Variants in CNKSR2 observed in about 807,000 individuals in gnomAD.
CNKSR2 encodes CNK homolog protein 2.
A neutral mutation model predicts 84.4 loss-of-function variants in CNKSR2; 14 were observed. The ratio of observed to expected loss-of-function variants is 0.17; its 90% CI spans 0.11 to 0.26. The LOEUF (loss-of-function observed/expected upper bound fraction) is 0.26, where lower values mean the gene tolerates loss of function less well. Ranked by LOEUF, CNKSR2 falls within the 10% of genes least tolerant of loss-of-function variation. The pLI, the probability that CNKSR2 is intolerant of heterozygous loss-of-function variation, is 1.00. For missense variants in CNKSR2, 485 were observed against 771.2 expected, an observed-to-expected ratio of 0.63 and a Z score of 4.40; for synonymous variants, 275 against 277.9, an observed-to-expected ratio of 0.99 and a Z score of 0.10.
chrX:21,447,415 A>G (rs1255722076), intron 4 of CNKSR2, among the ~76,000 whole-genome samples: 1 of 111,432 alleles, frequency 9.0e-6, no homozygotes, highest in African/African-American at 3.3e-5. Flanking sequence ...TACTATCTGA[A>G]TTACTGTATT....
In CNKSR2 at chrX:21,457,086, G is replaced by A. The variant is rs775472401; in HGVS notation, c.520-13680G>A. Among the ~76,000 whole-genome samples the A allele has an allele frequency of 3.0e-3, 332 of 111,276 alleles. 1 individual carries two copies. Among genetic ancestry groups the A allele is most frequent in the African/African-American group, 9.9e-3 (305 of 30,711 alleles). ...TATTTGTTTCTATTTTTGCTGTTGA[G>A]TTGTGTGGGTTCCTTACATATTTTG... On this transcript the variant is annotated intron_variant, in intron 4 of 21. Coordinates refer to ENST00000379510, the MANE Select transcript of CNKSR2 (RefSeq NM_014927.5).
At chrX:21,535,148 A>G (rs901294518) in intron 11 of CNKSR2, among the ~76,000 whole-genome samples, 2 of 111,124 alleles carry the variant, frequency 1.8e-5, no homozygotes, top group South Asian at 7.5e-4. Flanking sequence ...CCTTTGCCCA[A>G]TGTATGTTCT....
chrX:21,412,321 C>T (rs963517408), intron 1 of CNKSR2, among the ~76,000 whole-genome samples: 8 of 112,148 alleles, frequency 7.1e-5, no homozygotes, highest in African/African-American at 2.6e-4. Context: ...GATAGTTTCT[C>T]CTGGCACCTT....
chrX:21,601,847 GT>G (rs770411865), intron 18 of CNKSR2, among the ~76,000 whole-genome samples: 317 of 112,241 alleles, frequency 2.8e-3, no homozygotes, highest in Non-Finnish European at 4.9e-3. Flanking sequence ...GAAACACAGT[GT>G]TATGGTGCAG....
chrX:21,443,076 T>A (rs910102814), intron 4 of CNKSR2, among the ~76,000 whole-genome samples: 1 of 110,734 alleles, frequency 9.0e-6, no homozygotes, highest in Non-Finnish European at 1.9e-5. Flanking sequence ...TGATAAAATC[T>A]GTACAGCAAA....
rs2092539132 is a variant in CNKSR2 at position 21,609,569 on chromosome X, G to A, written c.2644G>A (p.Glu882Lys). Residue 882 changes from glutamate to lysine, a missense_variant, in exon 20 of 22, where the codon GAG becomes AAG. Glu to Lys is a moderately conservative substitution (Grantham distance 56). Transcript: ENST00000379510. ...CCCAGAGGTGGAGGAAGAGGAGGAG[G>A]AGGAGGAGGAGGAAGGGGAGGCAGC... is the stretch of plus-strand genomic sequence containing the variant. ...QPPEVEEEEE[E>K]EEEEGEAAGE... The A allele has an allele frequency of 8.3e-7, 1 of 1,209,308 alleles. No homozygotes were observed. The highest frequency in any genetic ancestry group is 1.7e-5 in the African/African-American group (1 of 57,697).
At chrX:21,391,280 TC>T (rs1186485428) in intron 1 of CNKSR2, among the ~76,000 whole-genome samples, 3 of 112,078 alleles carry the variant, frequency 2.7e-5, no homozygotes, top group African/African-American at 6.5e-5. Context: ...GCCCCACATT[TC>T]CCCCCCACAT....
intron 2 of CNKSR2, among the ~76,000 whole-genome samples, chrX:21,431,007 G>C (rs1439548394): frequency 1.8e-5 from 2 of 111,998 alleles, no homozygotes; most frequent in African/African-American, 6.5e-5. Flanking sequence ...TTAGAAGAAA[G>C]TGTTCTTTTA....
chrX:21,563,381 C>T lies in CNKSR2; in HGVS notation c.1537C>T (p.Pro513Ser), dbSNP rs1160732613. 23 of 1,210,472 alleles carry T rather than the reference C, an allele frequency of 1.9e-5. No individual in the cohort carries two copies. The highest frequency in any genetic ancestry group is 2.6e-5 in the Non-Finnish European group (23 of 894,598). The change falls in exon 13 of 22, where the codon CCT (proline) becomes TCT (serine). Residue 513 changes from proline (P) to serine (S), a missense_variant. Transcript: ENST00000379510. ...SNSPTHYSLL[P>S]SLQMDALRQD... ...TAGCCCAACTCACTATTCATTGCTA[C>T]CTAGTTTACAAATGGATGCACTGAG...
intron 1 of CNKSR2, among the ~76,000 whole-genome samples, chrX:21,415,691 C>T (rs986088692): frequency 9.7e-6 from 1 of 103,574 alleles, no homozygotes; most frequent in Non-Finnish European, 2.0e-5. Flanking sequence ...ATGTAAATGA[C>T]GAGTTAATGG....
Position 21,568,294 on chromosome X carries a change from T to C in CNKSR2, c.1608+4842T>C, listed in dbSNP as rs766389324. ...CAGAGTGAGACACTGTCTCCAAAAA[T>C]AATAGTGATAATAATAATAGTCATT... is the stretch of plus-strand genomic sequence containing the variant. On this transcript the variant is annotated intron_variant, in intron 13 of 21. Transcript: ENST00000379510. 6.0e-4 allele frequency among the ~76,000 whole-genome samples: 67 copies of C among 111,086 alleles called. 1 individual carries two copies. The highest frequency in any genetic ancestry group is 4.6e-3 in the Middle Eastern group (1 of 219).
intron 11 of CNKSR2, among the ~76,000 whole-genome samples, chrX:21,551,895 A>G (rs1179124743): frequency 2.7e-5 from 3 of 111,256 alleles, no homozygotes; most frequent in Non-Finnish European, 5.7e-5. Flanking sequence ...AATTGAAAGA[A>G]CCTGGGAAGT....
intron 4 of CNKSR2, among the ~76,000 whole-genome samples, chrX:21,442,658 G>A (rs1223445203): frequency 2.7e-5 from 3 of 111,413 alleles, no homozygotes; most frequent in Non-Finnish European, 3.8e-5. Flanking sequence ...CATTGTTTTC[G>A]CCATCTGTAA....
In CNKSR2 at chrX:21,509,395, C is replaced by G. The variant is rs757738580; in HGVS notation, c.811-7090C>G. 1.4e-4 allele frequency among the ~76,000 whole-genome samples: 16 copies of G among 111,806 alleles called. No individual in the cohort carries two copies. The South Asian group carries it at 5.5e-3, about 39-fold the overall frequency. ...AAATAAAATCTTTCCCGTATTTCTT[C>G]TTTTCAAATGTTTGTTCCTTTTATC... is the stretch of plus-strand genomic sequence containing the variant. On this transcript the variant is annotated intron_variant, in intron 8 of 21. Transcript: ENST00000379510.
At chrX:21,445,881 C>T (rs1484333564) in intron 4 of CNKSR2, among the ~76,000 whole-genome samples, 1 of 111,525 alleles carries the variant, frequency 9.0e-6, no homozygotes, top group Non-Finnish European at 1.9e-5. Flanking sequence ...CTTATCTTGG[C>T]TGTTATGAAT....
Position 21,609,323 on chromosome X carries a change from A to G in CNKSR2, c.2398A>G (p.Ile800Val), listed in dbSNP as rs200533315. 192 of 1,209,512 alleles carry G rather than the reference A, an allele frequency of 1.6e-4. No individual in the cohort carries two copies. The highest frequency in any genetic ancestry group is 3.3e-4 in the Admixed American group (15 of 45,690). ...EDSVFSDSAA[I>V]SPEHRRQSTL... is the part of the protein sequence containing the mutation. The stretch of plus-strand genomic sequence containing the variant: ...TTCTGTCTTCTCTGACTCCGCGGCC[A>G]TCTCCCCAGAGCACAGGCGGCAGTC... The change falls in exon 20 of 22, where the codon ATC becomes GTC. Residue 800 changes from isoleucine to valine, a missense_variant. Physicochemically the swap from Ile to Val is conservative, Grantham distance 29. Around this residue, in one of 5 missense-constraint regions of CNKSR2, gnomAD observed 210 missense variants for 291.5 expected, o/e 0.72. Coordinates refer to ENST00000379510, the MANE Select transcript of CNKSR2 (RefSeq NM_014927.5).
intron 19 of CNKSR2, among the ~76,000 whole-genome samples, chrX:21,608,804 T>C (rs1430992965): frequency 3.6e-5 from 4 of 112,229 alleles, no homozygotes; most frequent in Non-Finnish European, 5.6e-5. Flanking sequence ...CTAACTCTTA[T>C]ACTTGCATTG....
chrX:21,426,595 C>A lies in CNKSR2; in HGVS notation c.163C>A (p.Leu55Met). The stretch of plus-strand genomic sequence containing the variant: ...CATTACACATCAGGAGCTAGAAGAT[C>A]TGGGGGTCAGCCGCATTGGCCATCA... ...LRITHQELED[L>M]GVSRIGHQEL... Residue 55 changes from leucine (L) to methionine (M), a missense_variant, in exon 2 of 22, where the codon CTG (leucine) becomes ATG (methionine). Physicochemically the swap from Leu to Met is conservative, Grantham distance 15. Around this residue, in one of 5 missense-constraint regions of CNKSR2, gnomAD observed 109 missense variants for 197.5 expected, o/e 0.55. Transcript: ENST00000379510. 1 of 1,208,660 alleles carries A rather than the reference C, an allele frequency of 8.3e-7. No individual in the cohort carries two copies. The highest frequency in any genetic ancestry group is 1.1e-6 in the Non-Finnish European group (1 of 894,357).
chrX:21,460,582 A>G (rs928214210), intron 4 of CNKSR2, among the ~76,000 whole-genome samples: 1 of 111,523 alleles, frequency 9.0e-6, no homozygotes, highest in African/African-American at 3.3e-5. Context: ...TAAGTGTACA[A>G]TTAAATTATT....
Sources: gnomAD v4.1 joint callset for allele counts (sites outside exome capture counted in the v4.1 genomes callset) on GRCh38, gnomAD v4.1.1 for gene constraint, gnomAD v4.1.1 regional missense constraint, MANE v1.5 for transcripts, NCBI Gene and HGNC (gene_info 2026-07-23, HGNC 2026-07-21) for gene names.